TEDC2: variants seen among roughly 807,000 people sequenced by gnomAD.
The protein encoded by TEDC2 is tubulin epsilon and delta complex 2, also known as tubulin epsilon and delta complex protein 2.
TEDC2 carries 49 observed loss-of-function variants against 48.1 expected under a neutral mutation model. The ratio of observed to expected loss-of-function variants is 1.02; its 90% confidence interval spans 0.81 to 1.29. The LOEUF (loss-of-function observed/expected upper bound fraction) is 1.29. Among genes scored for constraint, TEDC2 ranks in the 50% most tolerant of loss-of-function variants. TEDC2 has a pLI of 0.00. For synonymous variants in TEDC2, 299 were observed against 247.1 expected (o/e 1.21, Z -1.97); for missense variants, 631 against 571.4 (o/e 1.10, Z -1.06).
chr16:2,460,212 G>A, intron 1 of TEDC2, 42 bp downstream of exon 1: 2 of 1,444,796 alleles, frequency 1.4e-6, no homozygotes, highest in Non-Finnish European at 1.8e-6. Flanking sequence ...GATGCGGGCG[G>A]GCCGGTAGCC....
At position 2,464,294 on chromosome 16, in the gene TEDC2, G is replaced by T; in HGVS notation, c.1155+65G>T. 1.9e-6 allele frequency: 3 copies of T among 1,548,026 alleles called. No individual in the cohort carries two copies. Among genetic ancestry groups the T allele is most frequent in the Non-Finnish European group, 2.6e-6 (3 of 1,143,202 alleles). On this transcript the variant is annotated intron_variant, in intron 9 of 9. Coordinates refer to ENST00000361837, the MANE Select transcript of TEDC2 (RefSeq NM_025108.3). ...GCAGCCTTGAGGACCCGAGGGTAGG[G>T]GCTTGACTGCTCCACCCCCCAGGAC...
chr16:2,460,557 C>G, intron 2 of TEDC2, 66 bp from the exon 3 acceptor site: 1 of 1,585,216 alleles, frequency 6.3e-7, no homozygotes, highest in Non-Finnish European at 8.6e-7. Context: ...GCCCGGCGGC[C>G]CCCTCGGGTC....
At position 2,460,109 on chromosome 16, in the gene TEDC2, A is replaced by C; in HGVS notation, c.-36A>C. ...CCTCCCGGAAGGGGCGTGGCTCTTC[A>C]GAGGCGGCAAATTGCAAGGAGACGC... On this transcript the variant is annotated 5_prime_UTR_variant, in exon 1 of 10. Coordinates refer to ENST00000361837, the MANE Select transcript of TEDC2 (RefSeq NM_025108.3). The C allele has an allele frequency of 7.5e-7, 1 of 1,342,202 alleles. No individual in the cohort carries two copies. Among genetic ancestry groups the C allele is most frequent in the Non-Finnish European group, 9.5e-7 (1 of 1,054,812 alleles). The allele number at this position is 1,342,202 out of a possible 1,614,324, so 83.1% of individuals were successfully genotyped here. A position where few individuals can be genotyped will look rare whatever the true frequency, so the allele number is the denominator to read the frequency against.
At position 2,460,135 on chromosome 16, in the gene TEDC2, C is replaced by T. The variant is rs947578382; in HGVS notation, c.-10C>T. The stretch of plus-strand genomic sequence containing the variant: ...GAGGCGGCAAATTGCAAGGAGACGC[C>T]GCCGCCTTCATGCTGCCGGCGGGCT... On this transcript the variant is annotated 5_prime_UTR_variant, in exon 1 of 10. Transcript: ENST00000361837. 10 of 1,348,210 alleles carry T rather than the reference C, an allele frequency of 7.4e-6. No individual in the cohort carries two copies. Among genetic ancestry groups the T allele is most frequent in the Admixed American group, 4.1e-5 (1 of 24,398 alleles). 83.5% of individuals were successfully genotyped at this position (1,348,210 alleles called of 1,614,324 possible). A position where few individuals can be genotyped will look rare whatever the true frequency, so the allele number is the denominator to read the frequency against.
In TEDC2 at chr16:2,460,375, A is replaced by T. The variant is rs1261051496; in HGVS notation, c.119A>T (p.His40Leu). ...QSLRVCRRLLHAWEPTGTRAL... is the reference protein window; with the variant it reads ...QSLRVCRRLLLAWEPTGTRAL... ...CTGCGCGTTTGCCGTCGGCTGCTGC[A>T]TGCCTGGTACGCGGACCCCGGACCC... Residue 40 changes from histidine to leucine, a missense_variant, in exon 2 of 10, where the codon CAT (histidine) becomes CTT (leucine). Transcript: ENST00000361837. 2 of 1,544,998 alleles carry T rather than the reference A, an allele frequency of 1.3e-6. No individual in the cohort carries two copies. The highest frequency in any genetic ancestry group is 8.7e-7 in the Non-Finnish European group (1 of 1,146,378).
rs923330646 is a variant in TEDC2 at position 2,462,604 on chromosome 16, C to T, written c.863-27C>T. 3.3e-6 allele frequency: 5 copies of T among 1,538,260 alleles called. No homozygotes were observed. The African/African-American group carries it at 6.8e-5, about 21-fold the overall frequency. ...AGGGTTTCCAGACTGCCACGGGCCC[C>T]ACCTGCTCTCCCTGACTCTTCTGCA... On this transcript the variant is annotated intron_variant, in intron 7 of 9. Coordinates refer to ENST00000361837, the MANE Select transcript of TEDC2 (RefSeq NM_025108.3).
At chr16:2,463,443 A>G (rs953114850) in intron 8 of TEDC2, among the ~76,000 whole-genome samples, 12 of 152,174 alleles carry the variant, frequency 7.9e-5, no homozygotes, top group African/African-American at 2.9e-4. Flanking sequence ...CCTGGCCGAC[A>G]TGACGAAAGC....
At position 2,464,530 on chromosome 16, in the gene TEDC2, G is replaced by T; in HGVS notation, c.1164G>T (p.Met388Ile). 1 of 1,571,660 alleles carries T rather than the reference G, an allele frequency of 6.4e-7. No individual in the cohort carries two copies. Among genetic ancestry groups the T allele is most frequent in the Non-Finnish European group, 8.6e-7 (1 of 1,166,176 alleles). ...CCCTGCCCTGCCCCCAGGTCCTGATGGCTGAACTCCTCCCCCTGGTAAGCG... is the reference window on the plus strand; with the variant it reads ...CCCTGCCCTGCCCCCAGGTCCTGATTGCTGAACTCCTCCCCCTGGTAAGCG... Reference protein sequence around the residue: ...DQQIHLEKVLMAELLPLVSAA... With the variant: ...DQQIHLEKVLIAELLPLVSAA... Residue 388 changes from methionine (M) to isoleucine (I), a missense_variant, in exon 10 of 10, where the codon ATG (methionine) becomes ATT (isoleucine). By Grantham distance (10) the Met-to-Ile change is conservative (BLOSUM62 1). Transcript: ENST00000361837.
In TEDC2 at chr16:2,460,109, A is replaced by G. The variant is rs551597963; in HGVS notation, c.-36A>G. On this transcript the variant is annotated 5_prime_UTR_variant, in exon 1 of 10. Coordinates refer to ENST00000361837, the MANE Select transcript of TEDC2 (RefSeq NM_025108.3). ...CCTCCCGGAAGGGGCGTGGCTCTTC[A>G]GAGGCGGCAAATTGCAAGGAGACGC... The G allele has an allele frequency of 6.0e-6, 8 of 1,342,202 alleles. No individual in the cohort carries two copies. The highest frequency in any genetic ancestry group is 1.5e-5 in the African/African-American group (1 of 64,810). 83.1% of individuals were successfully genotyped at this position (1,342,202 alleles called of 1,614,324 possible).
At chr16:2,462,049 C>T in intron 5 of TEDC2, 100 bp from the exon 6 acceptor site, 1 of 1,356,792 alleles carries the variant, frequency 7.4e-7, no homozygotes, top group Admixed American at 1.9e-5. Context: ...AGCCTGGGGT[C>T]CCCACCCTGG....
At position 2,464,105 on chromosome 16, in the gene TEDC2, G is replaced by C; in HGVS notation, c.1031G>C (p.Gly344Ala). The change falls in exon 9 of 10, where the codon GGG (glycine) becomes GCG (alanine). Residue 344 changes from glycine (G) to alanine (A), a missense_variant. Coordinates refer to ENST00000361837, the MANE Select transcript of TEDC2 (RefSeq NM_025108.3). ...CCCCCCGGAGCCTCGCCGTCCTGTG[G>C]GGGTAGAGCGGAGCCTGCATGGAGC... ...GRPPGASPSC[G>A]GRAEPAWSPQ... 1 of 1,612,880 alleles carries C rather than the reference G, an allele frequency of 6.2e-7. No individual in the cohort carries two copies.
chr16:2,461,193 G>T lies in TEDC2; in HGVS notation c.574G>T (p.Ala192Ser), dbSNP rs77567924. The T allele has an allele frequency of 8.7e-6, 13 of 1,497,250 alleles. No individual in the cohort carries two copies. In the South Asian group the frequency reaches 1.8e-4, roughly 20 times the overall value. The allele number at this position is 1,497,250 out of a possible 1,614,324, so 92.7% of individuals were successfully genotyped here. The change falls in exon 4 of 10, where the codon GCC (alanine) becomes TCC (serine). Residue 192 changes from alanine to serine, a missense_variant. Ala to Ser is a moderately conservative substitution (Grantham distance 99). Coordinates refer to ENST00000361837, the MANE Select transcript of TEDC2 (RefSeq NM_025108.3). ...QQMAPSAAPQ[A>S]PEAFTLKEKG... Reference sequence around the variant, plus strand: ...AATGGCCCCATCCGCTGCTCCTCAGGCCCCAGAAGCCTTCACACTCAAGGA... The same window carrying T: ...AATGGCCCCATCCGCTGCTCCTCAGTCCCCAGAAGCCTTCACACTCAAGGA...
At position 2,462,684 on chromosome 16, in the gene TEDC2, C is replaced by T. The variant is rs1412862619; in HGVS notation, c.916C>T (p.Gln306Ter). 5 of 1,546,108 alleles carry T rather than the reference C, an allele frequency of 3.2e-6. No homozygotes were observed. Among genetic ancestry groups the T allele is most frequent in the East Asian group, 4.9e-5 (2 of 40,980 alleles). The change falls in exon 8 of 10, where the codon CAG becomes TAG. Residue 306 changes from glutamine to a stop codon, truncating the protein, a stop_gained. Transcript: ENST00000361837. LOFTEE classifies it high-confidence loss of function. ...CTGCCTGCTCACGCTGGAGGGGCTG[C>T]AGGCCATGGTGGGCCAGTGTCTGCA... Reference protein sequence around the residue: ...YRCLLTLEGLQAMVGQCLHRL... With the variant: ...YRCLLTLEGL
Position 2,460,401 on chromosome 16 carries a change from A to T in TEDC2, c.125+20A>T. Reference sequence around the variant, plus strand: ...TGCCTGGTACGCGGACCCCGGACCCACTGGCCAGACCTCCCTCGGGCCCTC... The same window carrying T: ...TGCCTGGTACGCGGACCCCGGACCCTCTGGCCAGACCTCCCTCGGGCCCTC... On this transcript the variant is annotated intron_variant, in intron 2 of 9. Transcript: ENST00000361837. The T allele has an allele frequency of 6.5e-7, 1 of 1,544,254 alleles. No individual in the cohort carries two copies. Among genetic ancestry groups the T allele is most frequent in the Non-Finnish European group, 8.7e-7 (1 of 1,146,032 alleles).
chr16:2,460,138 C>T lies in TEDC2; in HGVS notation c.-7C>T. The T allele has an allele frequency of 1.3e-5, 18 of 1,348,478 alleles. No homozygotes were observed. The highest frequency in any genetic ancestry group is 1.6e-5 in the Non-Finnish European group (17 of 1,058,776). 83.5% of individuals were successfully genotyped at this position (1,348,478 alleles called of 1,614,324 possible). On this transcript the variant is annotated 5_prime_UTR_variant, in exon 1 of 10. Transcript: ENST00000361837. ...GCGGCAAATTGCAAGGAGACGCCGC[C>T]GCCTTCATGCTGCCGGCGGGCTGCT...
chr16:2,461,160 G>C lies in TEDC2; in HGVS notation c.541G>C (p.Asp181His). 6.6e-7 allele frequency: 1 copy of C among 1,524,572 alleles called. No homozygotes were observed. Among genetic ancestry groups the C allele is most frequent in the Non-Finnish European group, 8.8e-7 (1 of 1,136,862 alleles). 94.4% of individuals were successfully genotyped at this position (1,524,572 alleles called of 1,614,324 possible). ...RTPRPGAGLR[D>H]QQMAPSAAPQ... ...CCCCAGGCCTGGGGCGGGCCTCAGG[G>C]ACCAGCAAATGGCCCCATCCGCTGC... Residue 181 changes from aspartate to histidine, a missense_variant, in exon 4 of 10, where the codon GAC (aspartate) becomes CAC (histidine). By Grantham distance (81) the Asp-to-His change is moderately conservative. Coordinates refer to ENST00000361837, the MANE Select transcript of TEDC2 (RefSeq NM_025108.3).
In TEDC2 at chr16:2,464,643, TC is replaced by T; in HGVS notation, c.1279del (p.Leu427CysfsTer44). The T allele has an allele frequency of 6.2e-7, 1 of 1,613,020 alleles. No individual in the cohort carries two copies. ...LCEGGARVLT[I>X]LRDEPAV ...GAGGGAGGAGCACGTGTCCTTACCA[TC>T]CTGCGGGATGAACCTGCAGTCTGAG... On this transcript the variant is annotated frameshift_variant, in exon 10 of 10. Transcript: ENST00000361837. LOFTEE classifies it high-confidence loss of function.
chr16:2,463,924 C>T, intron 8 of TEDC2, 115 bp from the exon 9 acceptor site: 1 of 1,200,870 alleles, frequency 8.3e-7, no homozygotes, highest in Non-Finnish European at 1.2e-6. Flanking sequence ...TGAAAGCCCA[C>T]CTTTCTCCTA....
intron 9 of TEDC2, 136 bp from the exon 10 acceptor site, chr16:2,464,386 C>T: frequency 7.6e-7 from 1 of 1,320,942 alleles, no homozygotes; most frequent in Non-Finnish European, 1.0e-6. Flanking sequence ...TCAGACGGGG[C>T]TGGGACGGCA....
Sources: allele counts gnomAD v4.1 joint callset (sites outside exome capture counted in the v4.1 genomes callset), GRCh38; gene constraint gnomAD v4.1.1; transcripts MANE v1.5; gene names NCBI Gene and HGNC (gene_info 2026-07-23, HGNC 2026-07-21).